TRIO: variants seen among roughly 807,000 people sequenced by gnomAD.
TRIO encodes trio Rho guanine nucleotide exchange factor, also known as triple functional domain protein.
TRIO carries 58 observed loss-of-function variants against 351.9 expected under a neutral mutation model. The ratio of observed to expected loss-of-function variants is 0.16; its 90% confidence interval spans 0.13 to 0.21. The LOEUF is 0.21. Among genes scored for constraint, TRIO ranks in the 10% least tolerant of loss-of-function variants. The probability of loss-of-function intolerance (pLI) is 1.00; values close to 1 mark genes in which losing one functional copy is unlikely to be tolerated. For synonymous variants in TRIO, 1,758 were observed against 1,595.7 expected, an observed-to-expected ratio of 1.10 and a Z score of -2.42; for missense variants, 3,201 against 4,027.8, an observed-to-expected ratio of 0.79 and a Z score of 5.56.
chr5:14,465,488 C>G (rs1044896187), intron 36 of TRIO, 57 bp from the exon 37 acceptor site: 1 of 1,545,172 alleles, frequency 6.5e-7, no homozygotes. Context: ...TACTGTCTGA[C>G]CAGTTACTAA....
At chr5:14,438,867 C>G (rs561278058) in intron 34 of TRIO, among the ~76,000 whole-genome samples, 1 of 152,330 alleles carries the variant, frequency 6.6e-6, no homozygotes, top group African/African-American at 2.4e-5. Flanking sequence ...TCTTTACTTA[C>G]TGTATAAAAT....
At chr5:14,273,799 T>C (rs1735249531) in intron 2 of TRIO, among the ~76,000 whole-genome samples, 1 of 152,230 alleles carries the variant, frequency 6.6e-6, no homozygotes, top group African/African-American at 2.4e-5. Flanking sequence ...GCCACTAGGG[T>C]TTGAGCCTTA....
At chr5:14,308,338 ACCCACCCACCCACGCACCCAACCACCCAT>A (rs1738563357) in intron 8 of TRIO, among the ~76,000 whole-genome samples, 35 of 123,892 alleles carry the variant, frequency 2.8e-4, no homozygotes, top group African/African-American at 8.3e-4. Flanking sequence ...CCATCCATCC[ACCCACCCACCCACGCACCCAACCACCCAT>A]TCATCTGTCC....
chr5:14,336,631 T>C lies in TRIO; in HGVS notation c.1950T>C (p.His650=). 6.2e-7 allele frequency: 1 copy of C among 1,614,158 alleles called. No homozygotes were observed. The highest frequency in any genetic ancestry group is 8.5e-7 in the Non-Finnish European group (1 of 1,180,024). ...CDPEEIYQAA[H]QLEDRIQDFV... ...CCGAAGAGATTTATCAGGCTGCCCATCAGCTGGAAGACCGGATTCAAGATT... is the reference window on the plus strand; with the variant it reads ...CCGAAGAGATTTATCAGGCTGCCCACCAGCTGGAAGACCGGATTCAAGATT... The change falls in exon 11 of 57, where the codon CAT becomes CAC. Residue 650 remains histidine, a synonymous_variant. Transcript: ENST00000344204.
intron 31 of TRIO, among the ~76,000 whole-genome samples, chr5:14,404,164 A>T (rs1308136474): frequency 6.6e-6 from 1 of 151,792 alleles, no homozygotes; most frequent in Non-Finnish European, 1.5e-5. Flanking sequence ...AGAGAACGTG[A>T]TGGGAATGGT....
intron 8 of TRIO, among the ~76,000 whole-genome samples, chr5:14,309,783 T>G (rs1376353763): frequency 6.6e-6 from 1 of 152,220 alleles, no homozygotes; most frequent in Non-Finnish European, 1.5e-5. Context: ...GGAGTACTTA[T>G]AAGCAGGGCT....
At chr5:14,480,586 C>T (rs909637838) in intron 43 of TRIO, among the ~76,000 whole-genome samples, 5 of 152,150 alleles carry the variant, frequency 3.3e-5, no homozygotes, top group African/African-American at 7.2e-5. Flanking sequence ...GGCAGAGTCA[C>T]GTGTTTTTCT....
chr5:14,241,418 G>A (rs1794122417), intron 1 of TRIO, among the ~76,000 whole-genome samples: 1 of 152,306 alleles, frequency 6.6e-6, no homozygotes, highest in East Asian at 1.9e-4. Flanking sequence ...TTTGTACATA[G>A]TAAAGCAAGC....
At chr5:14,232,495 G>A (rs1793502581) in intron 1 of TRIO, among the ~76,000 whole-genome samples, 1 of 152,176 alleles carries the variant, frequency 6.6e-6, no homozygotes, top group Non-Finnish European at 1.5e-5. Flanking sequence ...TGCTCTGTTT[G>A]TCTGGTGTCC....
intron 34 of TRIO, among the ~76,000 whole-genome samples, chr5:14,445,788 C>T (rs1309919147): frequency 6.6e-6 from 1 of 152,224 alleles, no homozygotes; most frequent in African/African-American, 2.4e-5. Context: ...GGCACAGAAG[C>T]AGGCGTGCAG....
rs551518164 is a variant in TRIO, at chr5:14,497,768, A to G, written c.8020-79A>G. ...CAGTTTCTGCAAATCTTTCAACAATAATTGTAGCCCTGGAATGAAAGGAAT... is the reference window on the plus strand; with the variant it reads ...CAGTTTCTGCAAATCTTTCAACAATGATTGTAGCCCTGGAATGAAAGGAAT... On this transcript the variant is annotated intron_variant, in intron 50 of 56. Transcript: ENST00000344204. The surrounding 1 kb of genome is among the most constrained non-coding windows in gnomAD (Gnocchi z 4.4). 5 of 1,577,512 alleles carry G rather than the reference A, an allele frequency of 3.2e-6. No homozygotes were observed. In the South Asian group the frequency reaches 3.3e-5, roughly 11 times the overall value.
intron 4 of TRIO, among the ~76,000 whole-genome samples, chr5:14,288,000 T>A (rs1736588923): frequency 6.6e-6 from 1 of 152,238 alleles, no homozygotes; most frequent in South Asian, 2.1e-4. Context: ...ATTTTTAAAT[T>A]CTTTCCATAG....
At chr5:14,321,265 T>A (rs1344384804) in intron 9 of TRIO, among the ~76,000 whole-genome samples, 2 of 152,172 alleles carry the variant, frequency 1.3e-5, no homozygotes, top group East Asian at 3.9e-4. Context: ...GCAGGACCCA[T>A]CCAAGGAGCG....
chr5:14,374,376 C>A (rs1745379306), intron 19 of TRIO, 33 bp downstream of exon 19: 2 of 1,555,654 alleles, frequency 1.3e-6, no homozygotes, highest in South Asian at 1.1e-5. Context: ...AGGGGTGGCC[C>A]AGTGCATGCC....
chr5:14,175,823 A>T (rs1365119430), intron 1 of TRIO, among the ~76,000 whole-genome samples: 1 of 152,236 alleles, frequency 6.6e-6, no homozygotes, highest in Non-Finnish European at 1.5e-5. Flanking sequence ...TAGACGGGAT[A>T]CCTAGACTGC....
chr5:14,488,871 G>C (rs536015296), intron 48 of TRIO: 9 of 729,322 alleles, frequency 1.2e-5, no homozygotes, highest in Non-Finnish European at 2.0e-5. Flanking sequence ...CTGGCGAGGC[G>C]GCTCTGCAGT....
intron 11 of TRIO, among the ~76,000 whole-genome samples, chr5:14,352,714 CCTTGCTCCTTCTGCCT>C (rs1204309772): frequency 6.6e-6 from 1 of 152,160 alleles, no homozygotes; most frequent in East Asian, 1.9e-4. Flanking sequence ...TAAAATGTAG[CCTTGCTCCTTCTGCCT>C]CATTTAGTTT....
chr5:14,185,290 C>A (rs1790038630), intron 1 of TRIO, among the ~76,000 whole-genome samples: 8 of 152,046 alleles, frequency 5.3e-5, no homozygotes, highest in Admixed American at 5.2e-4. Flanking sequence ...TATTTTCTTT[C>A]ACCCAAATTG....
At chr5:14,404,137 T>C (rs933728444) in intron 31 of TRIO, among the ~76,000 whole-genome samples, 5 of 151,782 alleles carry the variant, frequency 3.3e-5, no homozygotes, top group Non-Finnish European at 7.4e-5. Context: ...GCTGCTGGTG[T>C]GTGTGCTTAT....
Sources: allele counts gnomAD v4.1 joint callset (sites outside exome capture counted in the v4.1 genomes callset), GRCh38; gene constraint gnomAD v4.1.1; non-coding constraint Gnocchi (gnomAD v3.1); transcripts MANE v1.5; gene names NCBI Gene and HGNC (gene_info 2026-07-23, HGNC 2026-07-21).